The following CPLANE1 variants were observed in gnomAD, a reference collection of about 807,000 sequenced individuals.
CPLANE1 encodes the protein ciliogenesis and planar polarity effector complex subunit 1.
A neutral mutation model predicts 362.5 loss-of-function variants in CPLANE1; 263 were observed. That is an observed-to-expected ratio of 0.73 (90% CI 0.66 to 0.80). The LOEUF is 0.80. CPLANE1 is among the 30% of genes least tolerant of loss of function. The pLI is 0.00. For synonymous variants in CPLANE1, 1,212 were observed against 1,302.6 expected, an observed-to-expected ratio of 0.93 and a Z score of 1.50; for missense variants, 3,461 against 3,793.4, an observed-to-expected ratio of 0.91 and a Z score of 2.30.
rs2150359557 is a variant in CPLANE1 at position 37,138,826 on chromosome 5, T to A, written c.8686A>T (p.Met2896Leu). 1.9e-6 allele frequency: 3 copies of A among 1,610,898 alleles called. No homozygotes were observed. Among genetic ancestry groups the A allele is most frequent in the Middle Eastern group, 3.3e-4 (2 of 6,048 alleles). ...TCTGCAATATCAGTCAATCCAGTCA[T>A]CTGGAGCGGATGTACTGAAACACTT... is the stretch of plus-strand genomic sequence containing the variant. The part of the protein sequence containing the change: ...CESVSVHPLQ[M>L]TGLTDIADII... The change falls in exon 46 of 53, where the codon ATG (methionine) becomes TTG (leucine). Residue 2896 changes from methionine to leucine, a missense_variant. Met to Leu is a conservative substitution (Grantham distance 15, BLOSUM62 2). Around this residue, in one of 2 missense-constraint regions of CPLANE1, gnomAD observed 3,380 missense variants for 3,666.1 expected, o/e 0.92. Coordinates refer to ENST00000651892, the MANE Select transcript of CPLANE1 (RefSeq NM_001384732.1).
At position 37,153,863 on chromosome 5, in the gene CPLANE1, T is replaced by A. The variant is rs769645726; in HGVS notation, c.8250A>T (p.Gln2750His). The A allele has an allele frequency of 6.2e-7, 1 of 1,614,142 alleles. No homozygotes were observed. The highest frequency in any genetic ancestry group is 8.5e-7 in the Non-Finnish European group (1 of 1,180,014). Residue 2750 changes from glutamine to histidine, a missense_variant, in exon 42 of 53, where the codon CAA becomes CAT. By Grantham distance (24) the Gln-to-His change is conservative. Transcript: ENST00000651892. Reference protein sequence around the residue: ...ACPAPSSAAHQLEHLSAKLQK... With the variant: ...ACPAPSSAAHHLEHLSAKLQK... ...GAAGCTTAGCACTGAGATGCTCTAG[T>A]TGGTGAGCTGCAGAGCTTGGTGCAG... is the stretch of plus-strand genomic sequence containing the variant.
intron 51 of CPLANE1, among the ~76,000 whole-genome samples, chr5:37,110,929 T>G (rs926981007): frequency 3.4e-5 from 5 of 146,614 alleles, no homozygotes; most frequent in African/African-American, 1.3e-4. Flanking sequence ...TGCCTCAGCC[T>G]CCCGAGTAGC....
At chr5:37,194,364 C>A (rs1786584816) in intron 21 of CPLANE1, among the ~76,000 whole-genome samples, 1 of 152,174 alleles carries the variant, frequency 6.6e-6, no homozygotes, top group South Asian at 2.1e-4. Flanking sequence ...TAAGTCATTT[C>A]AAAGGACTAT....
chr5:37,190,423 A>C (rs1168597008), intron 21 of CPLANE1, among the ~76,000 whole-genome samples: 3 of 151,592 alleles, frequency 2.0e-5, no homozygotes, highest in South Asian at 2.1e-4. Flanking sequence ...GAAAAAAAAA[A>C]ACAAAAAAAC....
chr5:37,085,683 T>C, the CPLANE1 span: 12 of 1,136,640 alleles, frequency 1.1e-5, no homozygotes, highest in Non-Finnish European at 1.6e-5. Context: ...TTTGACGTGG[T>C]TCACATGAAA....
At chr5:37,185,351 A>T (rs1783702848) in intron 24 of CPLANE1, among the ~76,000 whole-genome samples, 1 of 152,138 alleles carries the variant, frequency 6.6e-6, no homozygotes, top group Non-Finnish European at 1.5e-5. Context: ...GAAAAAAAAA[A>T]CTTTAAGTGA....
At chr5:37,148,406 T>C (rs900657385) in intron 42 of CPLANE1, 138 bp from the exon 43 acceptor site, 1 of 520,278 alleles carries the variant, frequency 1.9e-6, no homozygotes, top group Non-Finnish European at 3.3e-6. Context: ...ATAAGCTAAA[T>C]GGTAGGGATC....
At chr5:37,162,094 C>T (rs572664075) in intron 38 of CPLANE1, among the ~76,000 whole-genome samples, 7 of 152,326 alleles carry the variant, frequency 4.6e-5, no homozygotes, top group African/African-American at 1.7e-4. Context: ...TTAAATACCC[C>T]TCCCTCACCG....
At chr5:37,143,121 C>T (rs970708372) in intron 43 of CPLANE1, among the ~76,000 whole-genome samples, 1 of 152,222 alleles carries the variant, frequency 6.6e-6, no homozygotes, top group Non-Finnish European at 1.5e-5. Flanking sequence ...TAAAGTACAG[C>T]AACCCCAAGT....
At chr5:37,238,489 T>A (rs919692705) in intron 8 of CPLANE1, among the ~76,000 whole-genome samples, 15 of 118,140 alleles carry the variant, frequency 1.3e-4, no homozygotes, top group East Asian at 7.1e-4. Flanking sequence ...AGCCTTTTCT[T>A]TTTTTTTTTT....
chr5:37,107,927 G>A, intron 52 of CPLANE1, 149 bp from the exon 53 acceptor site: 2 of 1,297,094 alleles, frequency 1.5e-6, no homozygotes, highest in Non-Finnish European at 2.1e-6. Flanking sequence ...CCAGGAAATA[G>A]GGCTGTGATT....
chr5:37,078,130 G>A, the CPLANE1 span, among the ~76,000 whole-genome samples: 1 of 152,154 alleles, frequency 6.6e-6, no homozygotes, highest in African/African-American at 2.4e-5. Context: ...GTGGTGGTTT[G>A]CTGTACAGAT....
the CPLANE1 span, among the ~76,000 whole-genome samples, chr5:37,097,435 A>G: frequency 6.6e-6 from 1 of 152,190 alleles, no homozygotes; most frequent in South Asian, 2.1e-4. Flanking sequence ...GAGAAGATCA[A>G]TGGCATAAGA....
Position 37,225,096 on chromosome 5 carries a change from G to C in CPLANE1, c.2292-356C>G, listed in dbSNP as rs566244787. Among the ~76,000 whole-genome samples, 27 of 151,452 alleles carry C rather than the reference G, an allele frequency of 1.8e-4. No homozygotes were observed. In the South Asian group the frequency reaches 5.7e-3, roughly 32 times the overall value. ...CACTGCACTCCAGCCTGGGAGACAG[G>C]GTCTTGCTCTGTTGCCAGGCTGAAT... On this transcript the variant is annotated intron_variant, in intron 12 of 52. Coordinates refer to ENST00000651892, the MANE Select transcript of CPLANE1 (RefSeq NM_001384732.1).
At chr5:37,163,270 G>A (rs1458532944) in intron 37 of CPLANE1, among the ~76,000 whole-genome samples, 1 of 152,188 alleles carries the variant, frequency 6.6e-6, no homozygotes, top group African/African-American at 2.4e-5. Context: ...AGCAAAATAG[G>A]TAAGAATTGG....
In CPLANE1 at chr5:37,112,966, T is replaced by C. The variant is rs529758973; in HGVS notation, c.9400+1994A>G. ...ATAACGGTACATGTAATTTCAACTG[T>C]TTTTAGAGGTAACATTGTATTTGGG... On this transcript the variant is annotated intron_variant, in intron 51 of 52. Coordinates refer to ENST00000651892, the MANE Select transcript of CPLANE1 (RefSeq NM_001384732.1). Among the ~76,000 whole-genome samples, 8 of 152,300 alleles carry C rather than the reference T, an allele frequency of 5.3e-5. No individual in the cohort carries two copies. The South Asian group carries it at 6.2e-4, about 12-fold the overall frequency.
In CPLANE1 at chr5:37,173,854, T is replaced by C; in HGVS notation, c.6072A>G (p.Thr2024=). 6.2e-7 allele frequency: 1 copy of C among 1,614,160 alleles called. No homozygotes were observed. Among genetic ancestry groups the C allele is most frequent in the Non-Finnish European group, 8.5e-7 (1 of 1,180,018 alleles). Residue 2024 remains threonine (T), a synonymous_variant, in exon 32 of 53, where the codon ACA becomes ACG. Coordinates refer to ENST00000651892, the MANE Select transcript of CPLANE1 (RefSeq NM_001384732.1). The part of the protein sequence containing the change: ...VNVASQPPAP[T]PQKTQRNEFT... ...ATTCATTTCTCTGGGTCTTCTGAGG[T>C]GTTGGAGCAGGTGGTTGTGAAGCAA... is the stretch of plus-strand genomic sequence containing the variant.
At position 37,146,202 on chromosome 5, in the gene CPLANE1, G is replaced by A. The variant is rs539946138; in HGVS notation, c.8461+1979C>T. Among the ~76,000 whole-genome samples the A allele has an allele frequency of 1.7e-3, 250 of 150,766 alleles. 2 individuals are homozygous for A. Among genetic ancestry groups the A allele is most frequent in the African/African-American group, 5.4e-3 (222 of 41,042 alleles). ...AAAAAGCTTTTTTTTTTTTCGAGACGGAGTCTCGCTCTGTTGCCCAGGCTG... is the reference window on the plus strand; with the variant it reads ...AAAAAGCTTTTTTTTTTTTCGAGACAGAGTCTCGCTCTGTTGCCCAGGCTG... On this transcript the variant is annotated intron_variant, in intron 43 of 52. Coordinates refer to ENST00000651892, the MANE Select transcript of CPLANE1 (RefSeq NM_001384732.1).
intron 8 of CPLANE1, among the ~76,000 whole-genome samples, chr5:37,237,585 G>A (rs868120680): frequency 2.6e-5 from 4 of 152,208 alleles, no homozygotes; most frequent in Admixed American, 1.3e-4. Context: ...GGTGGCTTAC[G>A]CCTGTAATCC....
Sources: gnomAD v4.1 joint callset for allele counts (sites outside exome capture counted in the v4.1 genomes callset) on GRCh38, gnomAD v4.1.1 for gene constraint, gnomAD v4.1.1 regional missense constraint, MANE v1.5 for transcripts, NCBI Gene and HGNC (gene_info 2026-07-23, HGNC 2026-07-21) for gene names.